AKAP1: variants seen among roughly 807,000 people sequenced by gnomAD.
AKAP1 encodes the protein A-kinase anchor protein 1, mitochondrial.
In AKAP1, 32 loss-of-function variants were observed where a neutral mutation model predicts 79.8. That is an observed-to-expected ratio of 0.40 (90% CI 0.30 to 0.54). The LOEUF is 0.54. AKAP1 is among the 20% of genes least tolerant of loss of function. The probability of loss-of-function intolerance (pLI) is 0.47; values close to 1 mark genes in which losing one functional copy is unlikely to be tolerated. For synonymous variants in AKAP1, 416 were observed against 466.7 expected (o/e 0.89, Z 1.40); for missense variants, 961 against 1,138.9 (o/e 0.84, Z 2.25).
chr17:57,090,197 G>A (rs1243386834), intron 1 of AKAP1, among the ~76,000 whole-genome samples: 1 of 152,150 alleles, frequency 6.6e-6, no homozygotes, highest in Admixed American at 6.5e-5. Context: ...AGTCCTGGGT[G>A]TGCTTTGTTT....
intron 1 of AKAP1, among the ~76,000 whole-genome samples, chr17:57,088,814 C>T (rs1913610446): frequency 6.6e-6 from 1 of 152,166 alleles, no homozygotes; most frequent in African/African-American, 2.4e-5. Context: ...TCCGGGTCTT[C>T]ACCATCTGGT....
In AKAP1 at chr17:57,118,440, G is replaced by A. The variant is rs200600382; in HGVS notation, c.2560G>A (p.Ala854Thr). 1.2e-6 allele frequency: 2 copies of A among 1,614,084 alleles called. No homozygotes were observed. The highest frequency in any genetic ancestry group is 2.7e-5 in the African/African-American group (2 of 75,054). ...AAMSEMTGNT[A>T]LLAQVTSYSP... ...CATGAGCGAGATGACGGGGAATACA[G>A]CACTGCTTGCTCAGGTGTGTGGTTG... is the stretch of plus-strand genomic sequence containing the variant. The change falls in exon 9 of 11, where the codon GCA becomes ACA. Residue 854 changes from alanine to threonine, a missense_variant. By Grantham distance (58) the Ala-to-Thr change is moderately conservative. Around this residue, in one of 3 missense-constraint regions of AKAP1, gnomAD observed 629 missense variants for 781.1 expected, o/e 0.81. Coordinates refer to ENST00000337714, the MANE Select transcript of AKAP1 (RefSeq NM_003488.4).
In AKAP1 at chr17:57,118,967, AC is replaced by A; in HGVS notation, c.2575-9del. On this transcript the variant is annotated splice_polypyrimidine_tract_variant and intron_variant, in intron 9 of 10. Coordinates refer to ENST00000337714, the MANE Select transcript of AKAP1 (RefSeq NM_003488.4). ...AAAACCTAACCATATTATTCTTTCC[AC>A]CCCCCTTCTTCAGGTGACAAGTTAC... The A allele has an allele frequency of 1.9e-6, 3 of 1,611,790 alleles. No homozygotes were observed. Among genetic ancestry groups the A allele is most frequent in the South Asian group, 1.1e-5 (1 of 90,940 alleles).
At chr17:57,118,741 A>C (rs1915741186) in intron 9 of AKAP1, among the ~76,000 whole-genome samples, 1 of 152,194 alleles carries the variant, frequency 6.6e-6, no homozygotes, top group Non-Finnish European at 1.5e-5. Context: ...GGCACGTCTT[A>C]CATGATGGGC....
chr17:57,097,308 A>T (rs1409933460), intron 1 of AKAP1, among the ~76,000 whole-genome samples: 1 of 150,174 alleles, frequency 6.7e-6, no homozygotes, highest in Non-Finnish European at 1.5e-5. Flanking sequence ...TGTGTGTGTG[A>T]GTGAGTGAGA....
At chr17:57,112,031 C>T in intron 4 of AKAP1, 107 bp downstream of exon 4, 1 of 1,436,040 alleles carries the variant, frequency 7.0e-7, no homozygotes. Flanking sequence ...AACCCTGCTT[C>T]TCATCCCAGG....
In AKAP1 at chr17:57,118,399, C is replaced by T. The variant is rs527409811; in HGVS notation, c.2519C>T (p.Pro840Leu). Residue 840 changes from proline (P) to leucine (L), a missense_variant, in exon 9 of 11, where the codon CCG becomes CTG. Transcript: ENST00000337714. ...CCTGAAGACGATGACCAGTTTTCAC[C>T]GGAAGCAGATGCCGCCATGAGCGAG... ...MPLSDDDQFS[P>L]EADAAMSEMT... The T allele has an allele frequency of 4.5e-4, 726 of 1,613,954 alleles. 12 individuals carry two copies. In the South Asian group the frequency reaches 6.6e-3, roughly 15 times the overall value.
At chr17:57,113,232 G>A (rs1482041261) in intron 5 of AKAP1, among the ~76,000 whole-genome samples, 2 of 152,202 alleles carry the variant, frequency 1.3e-5, no homozygotes, top group Admixed American at 1.3e-4. Context: ...GTCTCTCAGG[G>A]CCGTGGCCCA....
chr17:57,108,412 TGA>T (rs1471309809), intron 2 of AKAP1, among the ~76,000 whole-genome samples: 2 of 152,064 alleles, frequency 1.3e-5, no homozygotes, highest in East Asian at 3.9e-4. Context: ...TGAAAATGGG[TGA>T]TTTTTATTTT....
rs767098012 is a variant in AKAP1 at position 57,107,065 on chromosome 17, C to T, written c.1601C>T (p.Pro534Leu). ...AGCCCCAGGGACAAGGCCATCACCC[C>T]GCCACTGCCAGAAAGTACTGTGCCC... ...SSSPRDKAIT[P>L]PLPESTVPFS... The change falls in exon 2 of 11, where the codon CCG (proline) becomes CTG (leucine). Residue 534 changes from proline to leucine, a missense_variant. Transcript: ENST00000337714. 22 of 1,614,086 alleles carry T rather than the reference C, an allele frequency of 1.4e-5. No homozygotes were observed. Among genetic ancestry groups the T allele is most frequent in the East Asian group, 1.1e-4 (5 of 44,904 alleles).
At chr17:57,095,783 C>T (rs920244852) in intron 1 of AKAP1, 1 of 152,214 alleles carries the variant, frequency 6.6e-6, no homozygotes, top group Non-Finnish European at 1.5e-5. Context: ...AGGTTGTTGT[C>T]AGATTGCCAT....
Position 57,106,787 on chromosome 17 carries a change from C to T in AKAP1, c.1323C>T (p.Ser441=). Residue 441 remains serine (S), a synonymous_variant, in exon 2 of 11, where the codon AGC becomes AGT. Transcript: ENST00000337714. The part of the protein sequence containing the change: ...PPKTYVSCLK[S]LLSSPTKDSK... ...AGACCTACGTGAGCTGCCTGAAGAGCCTTCTGTCCAGCCCCACCAAGGACA... is the reference window on the plus strand; with the variant it reads ...AGACCTACGTGAGCTGCCTGAAGAGTCTTCTGTCCAGCCCCACCAAGGACA... The T allele has an allele frequency of 6.2e-7, 1 of 1,614,130 alleles. No individual in the cohort carries two copies. Among genetic ancestry groups the T allele is most frequent in the Non-Finnish European group, 8.5e-7 (1 of 1,180,042 alleles).
Position 57,086,187 on chromosome 17 carries a change from G to A in AKAP1, c.-25+789G>A, listed in dbSNP as rs537370646. On this transcript the variant is annotated intron_variant, in intron 1 of 10. Transcript: ENST00000337714. This position sits in a 1 kb window ranked among gnomAD's most constrained non-coding sequence, Gnocchi z 5.1. ...GTGTCTGCCGACCTCACGCCCGGGG[G>A]CCCCGACGGTCACGTGTCCGGCCCC... 7 of 322,182 alleles carry A rather than the reference G, an allele frequency of 2.2e-5. No homozygotes were observed. The highest frequency in any genetic ancestry group is 3.7e-5 in the Non-Finnish European group (6 of 164,346). The allele number at this position is 322,182 out of a possible 1,614,324, so 20.0% of individuals were successfully genotyped here.
chr17:57,109,154 T>A (rs978041823), intron 2 of AKAP1, among the ~76,000 whole-genome samples: 1 of 152,226 alleles, frequency 6.6e-6, no homozygotes, highest in Non-Finnish European at 1.5e-5. Context: ...GTAACCTAAT[T>A]GGTAGACTCT....
At chr17:57,109,902 C>A in intron 2 of AKAP1, 123 bp from the exon 3 acceptor site, 1 of 1,327,036 alleles carries the variant, frequency 7.5e-7, no homozygotes, top group Non-Finnish European at 1.0e-6. Context: ...CAGTCACCTG[C>A]CAAGCTTGAG....
intron 1 of AKAP1, among the ~76,000 whole-genome samples, chr17:57,097,732 C>T (rs1035864535): frequency 6.6e-6 from 1 of 152,228 alleles, no homozygotes; most frequent in Non-Finnish European, 1.5e-5. Context: ...CACCTGGGGA[C>T]AGCCTTTGTC....
rs925042505 is a variant in AKAP1, at chr17:57,109,878, A to G, written c.1715-147A>G. ...TCATTGGGGTTGTTCTGAGCCTTCT[A>G]GACTGTAAGTTGACAGTCACCTGCC... is the stretch of plus-strand genomic sequence containing the variant. On this transcript the variant is annotated intron_variant, in intron 2 of 10. Coordinates refer to ENST00000337714, the MANE Select transcript of AKAP1 (RefSeq NM_003488.4). 2.9e-6 allele frequency: 3 copies of G among 1,046,478 alleles called. No homozygotes were observed. The African/African-American group carries it at 4.8e-5, about 17-fold the overall frequency. The allele number at this position is 1,046,478 out of a possible 1,614,324, so 64.8% of individuals were successfully genotyped here. A position where few individuals can be genotyped will look rare whatever the true frequency, so the allele number is the denominator to read the frequency against.
intron 1 of AKAP1, among the ~76,000 whole-genome samples, chr17:57,091,707 G>T (rs1597958557): frequency 7.3e-6 from 1 of 136,062 alleles, no homozygotes. Context: ...TATTTATTTA[G>T]AGATGAGGTC....
intron 1 of AKAP1, among the ~76,000 whole-genome samples, chr17:57,102,614 G>A (rs1053299076): frequency 2.6e-5 from 4 of 151,618 alleles, no homozygotes; most frequent in East Asian, 1.9e-4. Flanking sequence ...ACAGGCTCCC[G>A]CCACAACTCC....
Sources: gnomAD v4.1 joint callset for allele counts (sites outside exome capture counted in the v4.1 genomes callset) on GRCh38, gnomAD v4.1.1 for gene constraint, gnomAD v4.1.1 regional missense constraint, Gnocchi (gnomAD v3.1) non-coding constraint, MANE v1.5 for transcripts, NCBI Gene and HGNC (gene_info 2026-07-23, HGNC 2026-07-21) for gene names.